Variants in TDRD1 observed in about 807,000 individuals in gnomAD.
TDRD1 encodes tudor domain containing 1.
In TDRD1, 37 loss-of-function variants were observed where a neutral mutation model predicts 140.6. The observed-to-expected ratio is 0.26, with a 90% confidence interval of 0.20 to 0.35. TDRD1 has a LOEUF of 0.35. Ranked by LOEUF, TDRD1 falls within the 10% of genes least tolerant of loss-of-function variation. TDRD1 has a pLI of 1.00. For missense variants in TDRD1, 1,243 were observed against 1,393.0 expected (o/e 0.89, Z 1.71); for synonymous variants, 506 against 475.7 (o/e 1.06, Z -0.83).
chr10:114,178,867 C>CAAAAAA (rs11285127), upstream of TDRD1, among the ~76,000 whole-genome samples: 1 of 102,666 alleles, frequency 9.7e-6, no homozygotes. Flanking sequence ...AGTTCCATAG[C>CAAAAAA]AAAAAAAAAA....
At chr10:114,226,421 G>C (rs1220597555) in intron 22 of TDRD1, among the ~76,000 whole-genome samples, 2 of 152,036 alleles carry the variant, frequency 1.3e-5, no homozygotes, top group Non-Finnish European at 2.9e-5. Context: ...TCTTTGTTTT[G>C]TAGATTAGTT....
intron 3 of TDRD1, among the ~76,000 whole-genome samples, chr10:114,196,730 T>G (rs1185781959): frequency 6.6e-6 from 1 of 151,992 alleles, no homozygotes; most frequent in Non-Finnish European, 1.5e-5. Context: ...TTCAGAATTT[T>G]AAGATGTGTC....
chr10:114,181,757 A>C (rs2033085734), intron 1 of TDRD1, among the ~76,000 whole-genome samples: 1 of 151,642 alleles, frequency 6.6e-6, no homozygotes, highest in Admixed American at 6.6e-5. Flanking sequence ...GGGCAGGAGA[A>C]TTGTTTGAAC....
At chr10:114,196,528 G>A (rs1225977933) in intron 3 of TDRD1, among the ~76,000 whole-genome samples, 1 of 152,068 alleles carries the variant, frequency 6.6e-6, no homozygotes, top group Non-Finnish European at 1.5e-5. Flanking sequence ...ATACCTTACT[G>A]CCATGTAGCT....
intron 8 of TDRD1, among the ~76,000 whole-genome samples, chr10:114,203,774 C>A (rs989879825): frequency 2.6e-5 from 4 of 152,166 alleles, no homozygotes; most frequent in African/African-American, 9.7e-5. Context: ...TCCTGAATTG[C>A]TAGTTGTAGC....
chr10:114,187,645 G>T (rs2033640965), intron 1 of TDRD1, among the ~76,000 whole-genome samples, 181 bp from the exon 2 acceptor site: 1 of 152,210 alleles, frequency 6.6e-6, no homozygotes, highest in African/African-American at 2.4e-5. Context: ...TACTTACAGA[G>T]AACTGGTGTT....
chr10:114,231,172 T>C (rs2036732973), intron 25 of TDRD1, among the ~76,000 whole-genome samples: 1 of 152,232 alleles, frequency 6.6e-6, no homozygotes, highest in Non-Finnish European at 1.5e-5. Flanking sequence ...TGTGGTGATA[T>C]GAACATAAAA....
intron 15 of TDRD1, 62 bp from the exon 16 acceptor site, chr10:114,213,915 C>A: frequency 6.5e-7 from 1 of 1,550,000 alleles, no homozygotes; most frequent in Non-Finnish European, 8.8e-7. Context: ...GTTCCTCAGC[C>A]ACCCCAACCT....
chr10:114,214,129 G>A lies in TDRD1; in HGVS notation c.2212+15G>A. On this transcript the variant is annotated intron_variant, in intron 16 of 25. Coordinates refer to ENST00000251864, the Ensembl canonical transcript of TDRD1. ...TAAAGAGGATGGTAAGTTGATTCTT[G>A]TCATTTGTTTCTTTTTACAAATACA... 1 of 1,610,478 alleles carries A rather than the reference G, an allele frequency of 6.2e-7. No individual in the cohort carries two copies. The highest frequency in any genetic ancestry group is 8.5e-7 in the Non-Finnish European group (1 of 1,177,384).
intron 6 of TDRD1, among the ~76,000 whole-genome samples, chr10:114,202,661 G>A (rs574155425): frequency 1.9e-4 from 29 of 152,228 alleles, no homozygotes; most frequent in Middle Eastern, 3.4e-3. Flanking sequence ...TTTGTAATCC[G>A]AAAAACATCC....
intron 3 of TDRD1, among the ~76,000 whole-genome samples, chr10:114,192,007 C>G (rs970024395): frequency 2.6e-5 from 4 of 151,520 alleles, no homozygotes; most frequent in Non-Finnish European, 4.4e-5. Flanking sequence ...TATTTGCCAT[C>G]TGTGCATCTT....
chr10:114,208,577 G>A (rs2035277010), intron 11 of TDRD1, among the ~76,000 whole-genome samples: 2 of 152,086 alleles, frequency 1.3e-5, no homozygotes, highest in African/African-American at 4.8e-5. Flanking sequence ...AAGCCCAGCT[G>A]CACTCAGCCT....
chr10:114,222,670 A>G lies in TDRD1; in HGVS notation c.2974A>G (p.Arg992Gly), dbSNP rs774598000. The stretch of plus-strand genomic sequence containing the variant: ...GAAAAGTCGACCACCCTATAGACCA[A>G]GAATTGGAGACGCATGCTGTGCCAA... Residue 992 changes from arginine (R) to glycine (G), a missense_variant, in exon 21 of 26, where the codon AGA becomes GGA. Arg to Gly is a moderately radical substitution (Grantham distance 125). Coordinates refer to ENST00000251864, the Ensembl canonical transcript of TDRD1. The G allele has an allele frequency of 9.3e-6, 15 of 1,611,192 alleles. No individual in the cohort carries two copies. Among genetic ancestry groups the G allele is most frequent in the Admixed American group, 5.0e-5 (3 of 59,796 alleles).
At chr10:114,202,571 A>G (rs970488094) in intron 6 of TDRD1, among the ~76,000 whole-genome samples, 1 of 152,188 alleles carries the variant, frequency 6.6e-6, no homozygotes, top group Non-Finnish European at 1.5e-5. Flanking sequence ...CTGTACTCTA[A>G]TAGGGCCTAG....
At chr10:114,191,457 T>C (rs1361266687) in intron 3 of TDRD1, among the ~76,000 whole-genome samples, 1 of 152,184 alleles carries the variant, frequency 6.6e-6, no homozygotes, top group Non-Finnish European at 1.5e-5. Flanking sequence ...TTTGAGAATA[T>C]TATATAAAAG....
At chr10:114,203,606 C>A (rs1180754687) in intron 8 of TDRD1, 39 bp downstream of exon 8, 1 of 1,553,002 alleles carries the variant, frequency 6.4e-7, no homozygotes, top group Non-Finnish European at 8.7e-7. Context: ...AACGTTTGAG[C>A]TAACTTTGGT....
intron 11 of TDRD1, among the ~76,000 whole-genome samples, 176 bp from the exon 12 acceptor site, chr10:114,210,405 C>T (rs2035404663): frequency 6.6e-6 from 1 of 152,130 alleles, no homozygotes; most frequent in Non-Finnish European, 1.5e-5. Flanking sequence ...GAAAACTGAG[C>T]TTATTATAAA....
chr10:114,208,586 C>A (rs1447900177), intron 11 of TDRD1, among the ~76,000 whole-genome samples: 1 of 152,154 alleles, frequency 6.6e-6, no homozygotes, highest in African/African-American at 2.4e-5. Context: ...TGCACTCAGC[C>A]TGGCATTATG....
intron 21 of TDRD1, among the ~76,000 whole-genome samples, chr10:114,223,916 G>T (rs1337616707): frequency 1.3e-5 from 2 of 152,168 alleles, no homozygotes; most frequent in South Asian, 2.1e-4. Flanking sequence ...GACCTGAGCT[G>T]TTATCCTGGG....
Sources: allele counts gnomAD v4.1 joint callset (sites outside exome capture counted in the v4.1 genomes callset), GRCh38; gene constraint gnomAD v4.1.1; transcripts MANE v1.5; gene names NCBI Gene and HGNC (gene_info 2026-07-23, HGNC 2026-07-21).